TMEM120A: variants seen among roughly 807,000 people sequenced by gnomAD.
The protein encoded by TMEM120A is transmembrane protein 120A, also known as ion channel TACAN.
In TMEM120A, 45 loss-of-function variants were observed where a neutral mutation model predicts 54.3. The observed-to-expected ratio is 0.83, with a 90% confidence interval of 0.65 to 1.06. The LOEUF (loss-of-function observed/expected upper bound fraction) is 1.06, where lower values mean the gene tolerates loss of function less well. Among genes scored for constraint, TMEM120A ranks in the 50% least tolerant of loss-of-function variants. The pLI is 0.00. For synonymous variants in TMEM120A, 204 were observed against 178.5 expected (o/e 1.14, Z -1.14); for missense variants, 424 against 441.7 (o/e 0.96, Z 0.36).
intron 3 of TMEM120A, among the ~76,000 whole-genome samples, chr7:75,990,200 C>A (rs1344064436): frequency 1.3e-5 from 2 of 152,178 alleles, no homozygotes; most frequent in African/African-American, 4.8e-5. Context: ...GTTCCCAGCA[C>A]TCGCCTCTCC....
At chr7:75,993,338 G>T (rs1174756828) in intron 1 of TMEM120A, among the ~76,000 whole-genome samples, 2 of 152,218 alleles carry the variant, frequency 1.3e-5, no homozygotes, top group Non-Finnish European at 2.9e-5. Flanking sequence ...AGGTCATCAG[G>T]TTTCAACCCT....
intron 3 of TMEM120A, 111 bp downstream of exon 3, chr7:75,992,033 G>T: frequency 1.4e-6 from 1 of 739,100 alleles, no homozygotes. Flanking sequence ...TCATTGCTCA[G>T]CCTGTACTGG....
rs782777160 is a variant in TMEM120A at position 75,987,081 on chromosome 7, C to G, written c.*91G>C. ...CCCAAGGGAGAATAGAAGAGACCCCCTGATACACGCACACTCGAGGGGCGC... is the reference window on the plus strand; with the variant it reads ...CCCAAGGGAGAATAGAAGAGACCCCGTGATACACGCACACTCGAGGGGCGC... On this transcript the variant is annotated 3_prime_UTR_variant, in exon 12 of 12. Transcript: ENST00000493111. 1.7e-5 allele frequency: 19 copies of G among 1,092,864 alleles called. No individual in the cohort carries two copies. The highest frequency in any genetic ancestry group is 2.6e-5 in the Non-Finnish European group (19 of 736,328). The allele number at this position is 1,092,864 out of a possible 1,614,324, so 67.7% of individuals were successfully genotyped here. A position where few individuals can be genotyped will look rare whatever the true frequency, so the allele number is the denominator to read the frequency against.
chr7:75,993,774 G>A (rs1374787013), intron 1 of TMEM120A, among the ~76,000 whole-genome samples: 1 of 152,096 alleles, frequency 6.6e-6, no homozygotes, highest in African/African-American at 2.4e-5. Context: ...CACAGCCACC[G>A]CCCTCTTCCC....
At position 75,987,195 on chromosome 7, in the gene TMEM120A, GCTGA is replaced by G. The variant is rs781923299; in HGVS notation, c.1005_1008del (p.Gln336GlyfsTer72). The stretch of plus-strand genomic sequence containing the variant: ...CCTCAATCCTTCTTGCTCCCGTGCC[GCTGA>G]CTGTGAAACTTGTGGTGCACAACCC... On this transcript the variant is annotated frameshift_variant, in exon 12 of 12. Transcript: ENST00000493111. LOFTEE classifies it high-confidence loss of function. 2 of 1,605,268 alleles carry G rather than the reference GCTGA, an allele frequency of 1.2e-6. No homozygotes were observed. Among genetic ancestry groups the G allele is most frequent in the East Asian group, 2.2e-5 (1 of 44,588 alleles).
chr7:75,989,239 G>A lies in TMEM120A; in HGVS notation c.318-15C>T, dbSNP rs1789739839. On this transcript the variant is annotated splice_polypyrimidine_tract_variant and intron_variant, in intron 3 of 11. Coordinates refer to ENST00000493111, the MANE Select transcript of TMEM120A (RefSeq NM_031925.3). Reference sequence around the variant, plus strand: ...TCAGGTACAATCTAGGGAAGGGGGTGGCGGGGTGAGGAGAAGCCCGAGTGA... The same window carrying A: ...TCAGGTACAATCTAGGGAAGGGGGTAGCGGGGTGAGGAGAAGCCCGAGTGA... 1.3e-6 allele frequency: 2 copies of A among 1,545,886 alleles called. No homozygotes were observed. Among genetic ancestry groups the A allele is most frequent in the Non-Finnish European group, 1.8e-6 (2 of 1,139,928 alleles).
At chr7:75,987,489 C>T (rs777982806) in intron 10 of TMEM120A, 49 bp downstream of exon 10, 49 of 1,463,592 alleles carry the variant, frequency 3.3e-5, no homozygotes, top group Admixed American at 4.9e-5. Flanking sequence ...CCGAAACCGG[C>T]GCAGAGGACG....
At position 75,987,816 on chromosome 7, in the gene TMEM120A, C is replaced by T; in HGVS notation, c.692-6G>A. ...CTGGAGAAACTGCACGAAGCCTGGG[C>T]CGGGCGGAGGACAGAGGAGCAGGGC... On this transcript the variant is annotated splice_region_variant and splice_polypyrimidine_tract_variant and intron_variant, in intron 8 of 11. Coordinates refer to ENST00000493111, the MANE Select transcript of TMEM120A (RefSeq NM_031925.3). 1 of 1,610,896 alleles carries T rather than the reference C, an allele frequency of 6.2e-7. No homozygotes were observed. Among genetic ancestry groups the T allele is most frequent in the Non-Finnish European group, 8.5e-7 (1 of 1,179,164 alleles).
At chr7:75,994,229 G>A (rs1391212750) in intron 1 of TMEM120A, among the ~76,000 whole-genome samples, 9 of 152,244 alleles carry the variant, frequency 5.9e-5, no homozygotes, top group Non-Finnish European at 1.0e-4. Context: ...AAGGGACGGG[G>A]TCGGGGTCTG....
intron 4 of TMEM120A, 30 bp from the exon 5 acceptor site, chr7:75,988,546 G>A: frequency 2.0e-6 from 3 of 1,530,788 alleles, no homozygotes; most frequent in Non-Finnish European, 2.7e-6. Flanking sequence ...GAGACGGGTG[G>A]GGTGCTGGTG....
In TMEM120A at chr7:75,992,128, C is replaced by T. The variant is rs377586900; in HGVS notation, c.317+16G>A. 6.4e-7 allele frequency: 1 copy of T among 1,555,924 alleles called. No homozygotes were observed. The highest frequency in any genetic ancestry group is 8.8e-7 in the Non-Finnish European group (1 of 1,141,592). On this transcript the variant is annotated intron_variant, in intron 3 of 11. Coordinates refer to ENST00000493111, the MANE Select transcript of TMEM120A (RefSeq NM_031925.3). ...TGGCTGTGAACTGAGCTGGGGGTGGCGGTGGGGGCCCTCACCCATTCTTCT... is the reference window on the plus strand; with the variant it reads ...TGGCTGTGAACTGAGCTGGGGGTGGTGGTGGGGGCCCTCACCCATTCTTCT...
intron 10 of TMEM120A, 48 bp downstream of exon 10, chr7:75,987,490 G>A (rs371339763): frequency 1.0e-5 from 15 of 1,452,732 alleles, no homozygotes; most frequent in Admixed American, 5.0e-5. Flanking sequence ...CGAAACCGGC[G>A]CAGAGGACGG....
In TMEM120A at chr7:75,994,575, G is replaced by A. The variant is rs114462308; in HGVS notation, c.-5C>T. 144,022 of 1,536,462 alleles carry A rather than the reference G, an allele frequency of 0.094. 7,306 individuals carry two copies. The highest frequency in any genetic ancestry group is 0.14 in the South Asian group (11,606 of 83,434). The stretch of plus-strand genomic sequence containing the variant: ...GCCCGGGGGCGGGGGCTGCATGGCT[G>A]CAGCGCCAGTAGCCAGTAGTGGAGG... On this transcript the variant is annotated 5_prime_UTR_variant, in exon 1 of 12. Transcript: ENST00000493111.
In TMEM120A at chr7:75,987,922, C is replaced by T. The variant is rs1554560396; in HGVS notation, c.691+1G>A. ...TCAGCACAGACATCTGGGACACTCA[C>T]TCTGGTACATGGAAAAGGAGAGGAA... is the stretch of plus-strand genomic sequence containing the variant. On this transcript the variant is annotated splice_donor_variant, in intron 8 of 11. Transcript: ENST00000493111. LOFTEE classifies it high-confidence loss of function. 2 of 1,603,014 alleles carry T rather than the reference C, an allele frequency of 1.2e-6. No individual in the cohort carries two copies. Among genetic ancestry groups the T allele is most frequent in the African/African-American group, 2.7e-5 (2 of 74,760 alleles).
intron 3 of TMEM120A, among the ~76,000 whole-genome samples, chr7:75,990,952 G>A (rs1192435821): frequency 6.7e-6 from 1 of 149,940 alleles, no homozygotes; most frequent in Non-Finnish European, 1.5e-5. Context: ...CCCTTCCTTG[G>A]CTCTTCTGTC....
In TMEM120A at chr7:75,987,588, A is replaced by C; in HGVS notation, c.799T>G (p.Trp267Gly). 1 of 1,608,792 alleles carries C rather than the reference A, an allele frequency of 6.2e-7. No homozygotes were observed. Among genetic ancestry groups the C allele is most frequent in the Non-Finnish European group, 8.5e-7 (1 of 1,178,110 alleles). The change falls in exon 10 of 12, where the codon TGG becomes GGG. Residue 267 changes from tryptophan to glycine, a missense_variant. Trp to Gly is a radical substitution (Grantham distance 184). Coordinates refer to ENST00000493111, the MANE Select transcript of TMEM120A (RefSeq NM_031925.3). The part of the protein sequence containing the change: ...MDLTVEGFQS[W>G]MWRGLTFLLP... ...AGGAAGGTGAGGCCCCGCCACATCCAGGACTGGAAGCCCTCTGCGGGGAGG... is the reference window on the plus strand; with the variant it reads ...AGGAAGGTGAGGCCCCGCCACATCCCGGACTGGAAGCCCTCTGCGGGGAGG...
rs370222222 is a variant in TMEM120A, at chr7:75,992,550, T to C, written c.89A>G (p.His30Arg). The C allele has an allele frequency of 8.5e-5, 133 of 1,571,902 alleles. No individual in the cohort carries two copies. Among genetic ancestry groups the C allele is most frequent in the Non-Finnish European group, 1.1e-4 (128 of 1,159,904 alleles). ...QQDFQNIQETHRLYRLKLEEL... is the reference protein window; with the variant it reads ...QQDFQNIQETRRLYRLKLEEL... ...CTCCAGCTTCAGGCGGTAGAGCCGA[T>C]GGGTCTCCTGGGGGCCGGAGGGGAG... is the stretch of plus-strand genomic sequence containing the variant. Residue 30 changes from histidine to arginine, a missense_variant, in exon 2 of 12, where the codon CAT (histidine) becomes CGT (arginine). By Grantham distance (29) the His-to-Arg change is conservative. Coordinates refer to ENST00000493111, the MANE Select transcript of TMEM120A (RefSeq NM_031925.3).
intron 8 of TMEM120A, 56 bp from the exon 9 acceptor site, chr7:75,987,866 C>T: frequency 6.3e-7 from 1 of 1,598,878 alleles, no homozygotes; most frequent in Non-Finnish European, 8.5e-7. Flanking sequence ...GGTTCCCTGC[C>T]CCTGCCCCCC....
In TMEM120A at chr7:75,989,340, T is replaced by C. The variant is rs1245370171; in HGVS notation, c.318-116A>G. The C allele has an allele frequency of 1.4e-5, 10 of 724,650 alleles. No individual in the cohort carries two copies. In the East Asian group the frequency reaches 2.5e-4, roughly 18 times the overall value. 44.9% of individuals were successfully genotyped at this position (724,650 alleles called of 1,614,324 possible). On this transcript the variant is annotated intron_variant, in intron 3 of 11. Transcript: ENST00000493111. ...ACCACCCCACCCCCTCACCCGCTGC[T>C]TTCCGCAGGGCCTTGGCATCGGGTT...
Sources: allele counts gnomAD v4.1 joint callset (sites outside exome capture counted in the v4.1 genomes callset), GRCh38; gene constraint gnomAD v4.1.1; transcripts MANE v1.5; gene names NCBI Gene and HGNC (gene_info 2026-07-23, HGNC 2026-07-21).